Variants in CDH6 observed in about 807,000 individuals in gnomAD.
CDH6 encodes cadherin 6, also known as cadherin-6.
Under a neutral mutation model 78.0 loss-of-function variants are expected in CDH6, and 31 were observed. The observed-to-expected ratio is 0.40, with a 90% CI of 0.30 to 0.54. The LOEUF (loss-of-function observed/expected upper bound fraction) is 0.54, where lower values mean the gene tolerates loss of function less well. Ranked by LOEUF, CDH6 falls within the 20% of genes least tolerant of loss-of-function variation. CDH6 has a pLI of 0.56. For synonymous variants in CDH6, 376 were observed against 368.8 expected, an observed-to-expected ratio of 1.02 and a Z score of -0.23; for missense variants, 724 against 975.9, an observed-to-expected ratio of 0.74 and a Z score of 3.44.
chr5:31,271,605 T>C lies in CDH6; in HGVS notation c.228+3904T>C, dbSNP rs999891749. Among the ~76,000 whole-genome samples the C allele has an allele frequency of 3.3e-5, 5 of 152,278 alleles. No individual in the cohort carries two copies. The South Asian group carries it at 8.3e-4, about 25-fold the overall frequency. ...GTAGTGGCAGGGACAAGTAACAGGA[T>C]AGGAAGAAATAAGTGGTCCTGTGTC... On this transcript the variant is annotated intron_variant, in intron 2 of 11. Transcript: ENST00000265071.
At chr5:31,254,712 T>A (rs78823262) in intron 1 of CDH6, among the ~76,000 whole-genome samples, 3,539 of 152,350 alleles carry the variant, frequency 0.023, 148 homozygotes, top group African/African-American at 0.081. Context: ...TAGTGCGATG[T>A]GCGCATTTTA....
chr5:31,224,954 C>T (rs1741108095), intron 1 of CDH6, among the ~76,000 whole-genome samples: 1 of 152,220 alleles, frequency 6.6e-6, no homozygotes, highest in Non-Finnish European at 1.5e-5. Flanking sequence ...TGGTTGTCAA[C>T]TACAGGTGAT....
intron 1 of CDH6, among the ~76,000 whole-genome samples, chr5:31,229,552 T>A (rs1741257325): frequency 2.0e-5 from 3 of 152,212 alleles, no homozygotes; most frequent in South Asian, 4.1e-4. Flanking sequence ...GGTCTCTAGT[T>A]CCCCTGATAT....
chr5:31,238,088 G>C (rs932788652), intron 1 of CDH6, among the ~76,000 whole-genome samples: 2 of 152,080 alleles, frequency 1.3e-5, no homozygotes, highest in Non-Finnish European at 2.9e-5. Flanking sequence ...CTGAAATTAG[G>C]ACCATCTAAA....
At chr5:31,262,343 A>G (rs914495225) in intron 1 of CDH6, among the ~76,000 whole-genome samples, 2 of 152,236 alleles carry the variant, frequency 1.3e-5, no homozygotes, top group African/African-American at 4.8e-5. Flanking sequence ...CTAGTCATCA[A>G]TAAAACAGGG....
chr5:31,262,931 G>A (rs916950629), intron 1 of CDH6, among the ~76,000 whole-genome samples: 2 of 152,102 alleles, frequency 1.3e-5, no homozygotes, highest in Admixed American at 6.6e-5. Flanking sequence ...TTGCTTGAAC[G>A]TATGACCGTT....
chr5:31,281,044 T>C (rs565376171), intron 2 of CDH6, among the ~76,000 whole-genome samples: 10 of 152,302 alleles, frequency 6.6e-5, no homozygotes, highest in African/African-American at 2.2e-4. Flanking sequence ...TTGAGAGTTA[T>C]GAATTCAAGT....
chr5:31,222,356 C>CA (rs768586308), intron 1 of CDH6, among the ~76,000 whole-genome samples: 4 of 152,118 alleles, frequency 2.6e-5, no homozygotes, highest in Non-Finnish European at 5.9e-5. Context: ...GCATATAAAT[C>CA]AGAGAAAGTG....
In CDH6 at chr5:31,322,058, C is replaced by T. The variant is rs370587269; in HGVS notation, c.1883-760C>T. Among the ~76,000 whole-genome samples the T allele has an allele frequency of 2.5e-3, 374 of 152,172 alleles. 3 individuals are homozygous for T. The highest frequency in any genetic ancestry group is 8.4e-3 in the African/African-American group (350 of 41,516). On this transcript the variant is annotated intron_variant, in intron 11 of 11. Transcript: ENST00000265071. ...AAAAAATCAAAAGAATGAACATTCTCAGTAACAAACTTATAGAACATGAAC... is the reference window on the plus strand; with the variant it reads ...AAAAAATCAAAAGAATGAACATTCTTAGTAACAAACTTATAGAACATGAAC...
chr5:31,298,525 C>T (rs552248679), intron 4 of CDH6, among the ~76,000 whole-genome samples: 1 of 152,218 alleles, frequency 6.6e-6, no homozygotes, highest in East Asian at 1.9e-4. Flanking sequence ...GAAGGCAGGA[C>T]TATAGGAATA....
At chr5:31,286,288 T>C (rs1174957120) in intron 2 of CDH6, among the ~76,000 whole-genome samples, 4 of 152,000 alleles carry the variant, frequency 2.6e-5, no homozygotes, top group Non-Finnish European at 5.9e-5. Flanking sequence ...TCAGCAACAA[T>C]AGAATGTGCT....
At position 31,326,401 on chromosome 5, in the gene CDH6, TA is replaced by T. The variant is rs1738625689; in HGVS notation, c.*3099del. The T allele has an allele frequency of 4.8e-6, 1 of 208,382 alleles. No homozygotes were observed. Among genetic ancestry groups the T allele is most frequent in the East Asian group, 7.3e-5 (1 of 13,694 alleles). The allele number at this position is 208,382 out of a possible 1,614,324, so 12.9% of individuals were successfully genotyped here. On this transcript the variant is annotated 3_prime_UTR_variant, in exon 12 of 12. Coordinates refer to ENST00000265071, the MANE Select transcript of CDH6 (RefSeq NM_004932.4). ...CCTGGCCACTTACTTCTGAAAGGCCTAAAAAACATTTGTGCCCAAATAAGTA... is the reference window on the plus strand; with the variant it reads ...CCTGGCCACTTACTTCTGAAAGGCCTAAAAACATTTGTGCCCAAATAAGTA...
At chr5:31,221,397 C>T (rs1296997152) in intron 1 of CDH6, among the ~76,000 whole-genome samples, 1 of 152,176 alleles carries the variant, frequency 6.6e-6, no homozygotes, top group Non-Finnish European at 1.5e-5. Flanking sequence ...TAATTCTATT[C>T]AGAAAGAATT....
At chr5:31,247,737 G>A (rs189246999) in intron 1 of CDH6, among the ~76,000 whole-genome samples, 22 of 152,306 alleles carry the variant, frequency 1.4e-4, no homozygotes, top group African/African-American at 5.1e-4. Flanking sequence ...CCCATTAGTG[G>A]TAGCATCAGA....
intron 1 of CDH6, among the ~76,000 whole-genome samples, chr5:31,266,047 G>A (rs2149932792): frequency 6.6e-6 from 1 of 152,054 alleles, no homozygotes; most frequent in East Asian, 1.9e-4. Context: ...AATTTGCTGG[G>A]ATTACAGGCA....
At chr5:31,284,352 T>A (rs1742955238) in intron 2 of CDH6, among the ~76,000 whole-genome samples, 1 of 152,222 alleles carries the variant, frequency 6.6e-6, no homozygotes. Flanking sequence ...GAACTTCACA[T>A]TCCTGGATGT....
chr5:31,218,690 A>G (rs1740930631), intron 1 of CDH6, among the ~76,000 whole-genome samples: 1 of 151,932 alleles, frequency 6.6e-6, no homozygotes, highest in Admixed American at 6.6e-5. Context: ...CCAAACCACA[A>G]TTTATTTCCC....
Position 31,299,463 on chromosome 5 carries a change from G to C in CDH6, c.644-1G>C. 6.2e-7 allele frequency: 1 copy of C among 1,609,870 alleles called. No individual in the cohort carries two copies. The highest frequency in any genetic ancestry group is 8.5e-7 in the Non-Finnish European group (1 of 1,176,686). ...TGCACTCTTAAATTTCACATCCACA[G>C]GTATTATCAAGACAGCTTTGCTCAA... On this transcript the variant is annotated splice_acceptor_variant, in intron 4 of 11. Transcript: ENST00000265071. LOFTEE classifies it high-confidence loss of function.
intron 1 of CDH6, among the ~76,000 whole-genome samples, chr5:31,206,393 A>AT (rs1740523267): frequency 6.6e-6 from 1 of 152,198 alleles, no homozygotes; most frequent in Admixed American, 6.5e-5. Context: ...AGTATATTCT[A>AT]TAACAAGTGA....
Sources: gnomAD v4.1 joint callset for allele counts (sites outside exome capture counted in the v4.1 genomes callset) on GRCh38, gnomAD v4.1.1 for gene constraint, MANE v1.5 for transcripts, NCBI Gene and HGNC (gene_info 2026-07-23, HGNC 2026-07-21) for gene names.